The following ACTR5 variants were observed in gnomAD, a reference collection of about 807,000 sequenced individuals.
ACTR5 encodes the protein actin-related protein 5.
ACTR5 carries 43 observed loss-of-function variants against 61.2 expected under a neutral mutation model. The observed-to-expected ratio is 0.70, with a 90% CI of 0.55 to 0.91. The LOEUF (loss-of-function observed/expected upper bound fraction) is 0.91, where lower values mean the gene tolerates loss of function less well. ACTR5 is among the 40% of genes least tolerant of loss of function. ACTR5 has a pLI of 0.00. For missense variants in ACTR5, 798 were observed against 782.2 expected, an observed-to-expected ratio of 1.02 and a Z score of -0.24; for synonymous variants, 333 against 310.5, an observed-to-expected ratio of 1.07 and a Z score of -0.76.
At position 38,748,476 on chromosome 20, in the gene ACTR5, A is replaced by C; in HGVS notation, c.-3A>C. On this transcript the variant is annotated 5_prime_UTR_variant, in exon 1 of 9. Coordinates refer to ENST00000243903, the MANE Select transcript of ACTR5 (RefSeq NM_024855.4). ...AGGGGCGGGGCTGGACGCGCGCTCC[A>C]AGATGGCGGCGAACGTGTTCCCGTT... The C allele has an allele frequency of 6.7e-7, 1 of 1,482,166 alleles. No individual in the cohort carries two copies. Among genetic ancestry groups the C allele is most frequent in the Non-Finnish European group, 8.9e-7 (1 of 1,124,414 alleles). 91.8% of individuals were successfully genotyped at this position (1,482,166 alleles called of 1,614,324 possible).
intron 8 of ACTR5, among the ~76,000 whole-genome samples, chr20:38,768,135 G>T (rs115729260): frequency 6.6e-6 from 1 of 152,124 alleles, no homozygotes; most frequent in Non-Finnish European, 1.5e-5. Flanking sequence ...ATTCAGGGGG[G>T]CGTCTCTGGG....
At position 38,760,215 on chromosome 20, in the gene ACTR5, G is replaced by T. The variant is rs149344893; in HGVS notation, c.1176+4176G>T. 4.0e-3 allele frequency among the ~76,000 whole-genome samples: 602 copies of T among 151,868 alleles called. 1 individual carries two copies. The highest frequency in any genetic ancestry group is 6.3e-3 in the Non-Finnish European group (427 of 67,938). ...GTAGGTAGCAAAAGGAGGAGGGAAG[G>T]ACATTTTAGGTGGAAAGAACCACAC... On this transcript the variant is annotated intron_variant, in intron 5 of 8. Coordinates refer to ENST00000243903, the MANE Select transcript of ACTR5 (RefSeq NM_024855.4).
intron 5 of ACTR5, chr20:38,761,536 G>A (rs2084454460): frequency 6.6e-6 from 1 of 152,446 alleles, no homozygotes; most frequent in Non-Finnish European, 1.5e-5. Flanking sequence ...TAGGATGTGA[G>A]GGTGATCTGG....
At chr20:38,769,608 G>T (rs1216334927) in intron 8 of ACTR5, among the ~76,000 whole-genome samples, 2 of 152,092 alleles carry the variant, frequency 1.3e-5, no homozygotes, top group African/African-American at 4.8e-5. Context: ...TCCAGGGTGG[G>T]TTGAGTTTCC....
chr20:38,759,337 G>A (rs1049515108), intron 5 of ACTR5, among the ~76,000 whole-genome samples: 2 of 152,170 alleles, frequency 1.3e-5, no homozygotes, highest in South Asian at 2.1e-4. Context: ...GTTTCTGAAC[G>A]CCACATAAGA....
Position 38,748,525 on chromosome 20 carries a change from A to G in ACTR5, c.47A>G (p.Asp16Gly). Residue 16 changes from aspartate to glycine, a missense_variant, in exon 1 of 9, where the codon GAC becomes GGC. Physicochemically the swap from Asp to Gly is moderately conservative, Grantham distance 94. Transcript: ENST00000243903. ...TTCCGCGACGCCCGTGCCGCACCGG[A>G]CCCAGTGCTGGAGGCCGGCCCGGTG... ...FPFRDARAAPDPVLEAGPVAH... is the reference protein window; with the variant it reads ...FPFRDARAAPGPVLEAGPVAH... 6.6e-7 allele frequency: 1 copy of G among 1,505,938 alleles called. No homozygotes were observed. The highest frequency in any genetic ancestry group is 1.2e-5 in the South Asian group (1 of 80,358). The allele number at this position is 1,505,938 out of a possible 1,614,324, so 93.3% of individuals were successfully genotyped here.
chr20:38,765,694 T>A (rs1027248733), intron 6 of ACTR5, among the ~76,000 whole-genome samples, 176 bp downstream of exon 6: 2 of 152,218 alleles, frequency 1.3e-5, no homozygotes, highest in African/African-American at 4.8e-5. Flanking sequence ...CGATTGGTTC[T>A]AGTACCAAGA....
At chr20:38,769,720 ATAAAATGTG>A (rs2084509116) in intron 8 of ACTR5, among the ~76,000 whole-genome samples, 1 of 152,152 alleles carries the variant, frequency 6.6e-6, no homozygotes, top group African/African-American at 2.4e-5. Context: ...TGCCACAAAC[ATAAAATGTG>A]CTCTGGGCAC....
At chr20:38,767,362 T>C in intron 7 of ACTR5, 102 bp from the exon 8 acceptor site, 1 of 1,046,684 alleles carries the variant, frequency 9.6e-7, no homozygotes, top group Non-Finnish European at 1.3e-6. Context: ...GCTTTTTGTG[T>C]AGAAGTTTTT....
At position 38,771,675 on chromosome 20, in the gene ACTR5, A is replaced by G; in HGVS notation, c.1683A>G (p.Gly561=). ...CCAGGAAAGAGTATGAAGAAAAGGG[A>G]GGAGAGTACCTCAAGGAGCACTGTG... ...WITRKEYEEK[G]GEYLKEHCAS... The change falls in exon 9 of 9, where the codon GGA becomes GGG. Residue 561 remains glycine, a synonymous_variant. Coordinates refer to ENST00000243903, the MANE Select transcript of ACTR5 (RefSeq NM_024855.4). 6.2e-7 allele frequency: 1 copy of G among 1,614,150 alleles called. No individual in the cohort carries two copies. Among genetic ancestry groups the G allele is most frequent in the East Asian group, 2.2e-5 (1 of 44,880 alleles).
rs115634511 is a variant in ACTR5, at chr20:38,762,549, A to T, written c.1177-2853A>T. Among the ~76,000 whole-genome samples, 655 of 152,206 alleles carry T rather than the reference A, an allele frequency of 4.3e-3. 6 individuals carry two copies. Among genetic ancestry groups the T allele is most frequent in the African/African-American group, 0.015 (631 of 41,522 alleles). On this transcript the variant is annotated intron_variant, in intron 5 of 8. Transcript: ENST00000243903. ...GTGTGGGATAGAAGTCACTGTTGTG[A>T]CCTTCTTTTAAAAATATAATCTGCT...
chr20:38,756,135 AAG>A, intron 5 of ACTR5, 96 bp downstream of exon 5: 1 of 1,355,488 alleles, frequency 7.4e-7, no homozygotes, highest in Non-Finnish European at 9.8e-7. Flanking sequence ...TCAGGAGGGA[AAG>A]AGAGCAGAGG....
rs1413139842 is a variant in ACTR5, at chr20:38,772,114, A to C, written c.*298A>C. 2.6e-6 allele frequency: 1 copy of C among 386,866 alleles called. No individual in the cohort carries two copies. The highest frequency in any genetic ancestry group is 4.7e-6 in the Non-Finnish European group (1 of 211,954). The allele number at this position is 386,866 out of a possible 1,614,324, so 24.0% of individuals were successfully genotyped here. On this transcript the variant is annotated 3_prime_UTR_variant, in exon 9 of 9. Coordinates refer to ENST00000243903, the MANE Select transcript of ACTR5 (RefSeq NM_024855.4). ...TAAATGAAGACAGAGTGGAGGACAC[A>C]AATGTACAAAATGCACAAGACTGAT...
Position 38,748,789 on chromosome 20 carries a change from T to C in ACTR5, c.311T>C (p.Val104Ala), listed in dbSNP as rs754976659. 1.2e-6 allele frequency: 2 copies of C among 1,609,278 alleles called. No individual in the cohort carries two copies. Among genetic ancestry groups the C allele is most frequent in the South Asian group, 2.2e-5 (2 of 90,644 alleles). Residue 104 changes from valine to alanine, a missense_variant, in exon 1 of 9, where the codon GTC becomes GCC. Transcript: ENST00000243903. ...TCGCCCTTCGACCGCAACGTGCCGG[T>C]CAACCTGGAGCTTCAGGAGTTGCTG... ...LRSPFDRNVP[V>A]NLELQELLLD...
At chr20:38,759,719 A>C (rs943998217) in intron 5 of ACTR5, among the ~76,000 whole-genome samples, 1 of 152,170 alleles carries the variant, frequency 6.6e-6, no homozygotes, top group African/African-American at 2.4e-5. Context: ...TTAAGATACA[A>C]TGCCTGCCTT....
intron 5 of ACTR5, among the ~76,000 whole-genome samples, chr20:38,759,318 C>CATATTA (rs1233588014): frequency 1.3e-5 from 2 of 152,152 alleles, no homozygotes. Context: ...AAAGAACAGT[C>CATATTA]ATATTAGTGT....
At chr20:38,765,278 CAT>C (rs2084479235) in intron 5 of ACTR5, 122 bp from the exon 6 acceptor site, 1 of 701,802 alleles carries the variant, frequency 1.4e-6, no homozygotes, top group African/African-American at 1.8e-5. Context: ...GAAAAATTTT[CAT>C]AGTTTTTATG....
rs2084391075 is a variant in ACTR5 at position 38,752,148 on chromosome 20, G to T, written c.623G>T (p.Cys208Phe). 6.2e-7 allele frequency: 1 copy of T among 1,613,522 alleles called. No individual in the cohort carries two copies. Among genetic ancestry groups the T allele is most frequent in the South Asian group, 1.1e-5 (1 of 91,058 alleles). The change falls in exon 3 of 9, where the codon TGC becomes TTC. Residue 208 changes from cysteine (C) to phenylalanine (F), a missense_variant. Cys to Phe is a radical substitution (Grantham distance 205). Transcript: ENST00000243903. ...ILEGRLDAKN[C>F]KRINLGGSQA... ...GGTTATAGATTAGATGCTAAAAACT[G>T]CAAGCGCATCAATCTTGGAGGAAGC... is the stretch of plus-strand genomic sequence containing the variant.
intron 5 of ACTR5, among the ~76,000 whole-genome samples, chr20:38,758,548 G>GAGGCAGGAGAATCGCTTGA (rs2084434113): frequency 6.6e-6 from 1 of 152,054 alleles, no homozygotes; most frequent in Admixed American, 6.5e-5. Flanking sequence ...TCGGGAGGCT[G>GAGGCAGGAGAATCGCTTGA]AGGCAGGAGA....
Sources: gnomAD v4.1 joint callset for allele counts (sites outside exome capture counted in the v4.1 genomes callset) on GRCh38, gnomAD v4.1.1 for gene constraint, MANE v1.5 for transcripts, NCBI Gene and HGNC (gene_info 2026-07-23, HGNC 2026-07-21) for gene names.